Variants in EFCAB11 observed in about 807,000 individuals in gnomAD.
EFCAB11 encodes the protein EF-hand calcium-binding domain-containing protein 11.
Under a neutral mutation model 23.0 loss-of-function variants are expected in EFCAB11, and 14 were observed. The ratio of observed to expected loss-of-function variants is 0.61; its 90% CI spans 0.40 to 0.95. The LOEUF (loss-of-function observed/expected upper bound fraction) is 0.95, where lower values mean the gene tolerates loss of function less well. EFCAB11 is among the 40% of genes least tolerant of loss of function. The pLI, the probability that EFCAB11 is intolerant of heterozygous loss-of-function variation, is 0.00. For synonymous variants in EFCAB11, 65 were observed against 66.6 expected (o/e 0.98, Z 0.11); for missense variants, 198 against 195.8 (o/e 1.01, Z -0.07).
At chr14:89,888,547 C>T (rs980479828) in intron 5 of EFCAB11, among the ~76,000 whole-genome samples, 1 of 152,138 alleles carries the variant, frequency 6.6e-6, no homozygotes, top group African/African-American at 2.4e-5. Flanking sequence ...CCAAATCTCA[C>T]AAGAACTCAC....
intron 5 of EFCAB11, among the ~76,000 whole-genome samples, chr14:89,865,120 G>A (rs1028811503): frequency 1.3e-5 from 2 of 152,176 alleles, no homozygotes; most frequent in African/African-American, 4.8e-5. Context: ...TCCTTGGTGG[G>A]AGTCAGTCCA....
At chr14:89,834,849 A>G (rs926164720) in intron 5 of EFCAB11, among the ~76,000 whole-genome samples, 4 of 152,166 alleles carry the variant, frequency 2.6e-5, no homozygotes, top group African/African-American at 9.7e-5. Flanking sequence ...TTAGGACCAG[A>G]GGAAGTAGAA....
At chr14:89,804,561 GC>G (rs1885903630) in intron 5 of EFCAB11, among the ~76,000 whole-genome samples, 3 of 152,096 alleles carry the variant, frequency 2.0e-5, no homozygotes, top group Admixed American at 1.3e-4. Flanking sequence ...CTGTACACAA[GC>G]CCCCATCAGG....
In EFCAB11 at chr14:89,800,265, C is replaced by T. The variant is rs1427571484; in HGVS notation, c.411-2941G>A. Among the ~76,000 whole-genome samples the T allele has an allele frequency of 2.6e-5, 4 of 152,008 alleles. 1 individual carries two copies. The South Asian group carries it at 6.2e-4, about 24-fold the overall frequency. On this transcript the variant is annotated intron_variant, in intron 5 of 5. Transcript: ENST00000316738. ...ACCTTAGACCCATCATTCAGGGACCCGTAAGTAAGTCGATTACAGTTTCCA... is the reference window on the plus strand; with the variant it reads ...ACCTTAGACCCATCATTCAGGGACCTGTAAGTAAGTCGATTACAGTTTCCA...
chr14:89,798,910 C>T (rs907759479), intron 5 of EFCAB11, among the ~76,000 whole-genome samples: 1 of 152,212 alleles, frequency 6.6e-6, no homozygotes, highest in East Asian at 1.9e-4. Context: ...CCTCAGCCTC[C>T]TGAGTAGCTA....
At chr14:89,869,487 T>TA (rs1315151264) in intron 5 of EFCAB11, among the ~76,000 whole-genome samples, 1 of 151,928 alleles carries the variant, frequency 6.6e-6, no homozygotes, top group Admixed American at 6.6e-5. Flanking sequence ...TCTATGAGGT[T>TA]AAAAAAAATT....
intron 5 of EFCAB11, among the ~76,000 whole-genome samples, chr14:89,852,629 G>T (rs2140140843): frequency 6.6e-6 from 1 of 152,252 alleles, no homozygotes. Flanking sequence ...CTGAAATTAT[G>T]AAAACTTAAC....
chr14:89,883,695 A>G (rs1275118463), intron 5 of EFCAB11, among the ~76,000 whole-genome samples: 1 of 152,228 alleles, frequency 6.6e-6, no homozygotes, highest in African/African-American at 2.4e-5. Flanking sequence ...AGAGGGCCAA[A>G]TGTACATTTA....
intron 5 of EFCAB11, among the ~76,000 whole-genome samples, chr14:89,819,015 C>T (rs1036567149): frequency 6.6e-6 from 1 of 152,176 alleles, no homozygotes; most frequent in Non-Finnish European, 1.5e-5. Context: ...AGCCATTCCA[C>T]CCCTAGCTAC....
At chr14:89,831,204 G>A (rs1258509354) in intron 5 of EFCAB11, 2 of 152,234 alleles carry the variant, frequency 1.3e-5, no homozygotes, top group African/African-American at 4.8e-5. Context: ...AACTTGGGAT[G>A]ACTTCCAGGT....
intron 2 of EFCAB11, among the ~76,000 whole-genome samples, chr14:89,953,079 G>A (rs1891235146): frequency 1.3e-5 from 2 of 151,990 alleles, no homozygotes. Context: ...CTTTTCTGGA[G>A]AGCAAATATC....
intron 5 of EFCAB11, among the ~76,000 whole-genome samples, chr14:89,825,394 A>G (rs1376838191): frequency 6.6e-6 from 1 of 152,128 alleles, no homozygotes; most frequent in Non-Finnish European, 1.5e-5. Flanking sequence ...AAAAGACTAA[A>G]ATCAATGATC....
At chr14:89,829,070 C>A (rs548965577) in intron 5 of EFCAB11, among the ~76,000 whole-genome samples, 2 of 152,246 alleles carry the variant, frequency 1.3e-5, no homozygotes, top group Admixed American at 1.3e-4. Flanking sequence ...AGGAAGAGTT[C>A]TTTTTTTCAA....
Position 89,830,105 on chromosome 14 carries a change from G to C in EFCAB11, c.411-32781C>G, listed in dbSNP as rs375013729. 3.3e-5 allele frequency: 5 copies of C among 152,160 alleles called. No individual in the cohort carries two copies. The South Asian group carries it at 1.0e-3, about 32-fold the overall frequency. 9.4% of individuals were successfully genotyped at this position (152,160 alleles called of 1,614,324 possible). On this transcript the variant is annotated intron_variant, in intron 5 of 5. Transcript: ENST00000316738. ...TCTTTTGTATCATTATTAAAATAAA[G>C]CGTAGAAATTATTTAGATATACCTT...
chr14:89,935,949 G>A lies in EFCAB11; in HGVS notation c.218-3322C>T, dbSNP rs961037663. On this transcript the variant is annotated intron_variant, in intron 3 of 5. Transcript: ENST00000316738. The stretch of plus-strand genomic sequence containing the variant: ...CCTGAACCCAGGAGGTGGAGGTTGC[G>A]GTGAGCCGAGATCGTGCCACTGCAC... Among the ~76,000 whole-genome samples the A allele has an allele frequency of 5.3e-5, 8 of 151,964 alleles. No individual in the cohort carries two copies. The East Asian group carries it at 5.8e-4, about 11-fold the overall frequency.
At chr14:89,802,600 C>T (rs549706269) in intron 5 of EFCAB11, among the ~76,000 whole-genome samples, 2 of 152,286 alleles carry the variant, frequency 1.3e-5, no homozygotes, top group African/African-American at 4.8e-5. Context: ...GCCATGCTGA[C>T]CAGGCTGGTC....
intron 4 of EFCAB11, 145 bp from the exon 5 acceptor site, chr14:89,931,776 T>C (rs1890397104): frequency 3.0e-6 from 2 of 664,026 alleles, no homozygotes; most frequent in South Asian, 2.0e-5. Flanking sequence ...GATAAGGTAA[T>C]CTGAGATTGT....
chr14:89,872,527 G>A (rs1395902575), intron 5 of EFCAB11, among the ~76,000 whole-genome samples: 10 of 152,152 alleles, frequency 6.6e-5, no homozygotes, highest in Non-Finnish European at 1.2e-4. Context: ...TGGAAGATAC[G>A]TCAGAATGTA....
At chr14:89,932,713 C>T in intron 3 of EFCAB11, 86 bp from the exon 4 acceptor site, 1 of 1,026,068 alleles carries the variant, frequency 9.7e-7, no homozygotes. Context: ...AGTAATAAAT[C>T]TCACCAATAA....
Sources: allele counts gnomAD v4.1 joint callset (sites outside exome capture counted in the v4.1 genomes callset), GRCh38; gene constraint gnomAD v4.1.1; transcripts MANE v1.5; gene names NCBI Gene and HGNC (gene_info 2026-07-23, HGNC 2026-07-21).